Variants in CSTA observed in about 807,000 individuals in gnomAD.
The protein encoded by CSTA is cystatin A, also known as cystatin-A.
In CSTA, 9 loss-of-function variants were observed where a neutral mutation model predicts 9.2. The observed-to-expected ratio is 0.97, with a 90% CI of 0.59 to 1.70. The LOEUF is 1.70. Ranked by LOEUF, CSTA falls within the 40% of genes most tolerant of loss-of-function variation. CSTA has a pLI of 0.00. For synonymous variants in CSTA, 36 were observed against 40.6 expected, an observed-to-expected ratio of 0.89 and a Z score of 0.43; for missense variants, 118 against 113.1, an observed-to-expected ratio of 1.04 and a Z score of -0.20.
Position 122,325,266 on chromosome 3 carries a change from T to G in CSTA, c.-27T>G, listed in dbSNP as rs1251205365. On this transcript the variant is annotated 5_prime_UTR_variant, in exon 1 of 3. Coordinates refer to ENST00000264474, the MANE Select transcript of CSTA (RefSeq NM_005213.4). ...CCTGTTCACTTTGGTTCCAGCATCC[T>G]GTCCAGCAAAGAAGCAATCAGCCAA... 2.5e-6 allele frequency: 4 copies of G among 1,612,458 alleles called. No homozygotes were observed. The highest frequency in any genetic ancestry group is 1.3e-5 in the African/African-American group (1 of 74,870).
chr3:122,334,930 G>C (rs2075227910), intron 1 of CSTA, among the ~76,000 whole-genome samples: 1 of 152,182 alleles, frequency 6.6e-6, no homozygotes, highest in Middle Eastern at 3.2e-3. Flanking sequence ...TAAGGTCTCA[G>C]ACCAAAAGCA....
rs772547755 is a variant in CSTA at position 122,341,885 on chromosome 3, A to G, written c.*318A>G. 8.5e-6 allele frequency: 3 copies of G among 352,898 alleles called. No homozygotes were observed. The highest frequency in any genetic ancestry group is 7.9e-5 in the South Asian group (3 of 37,910). 21.9% of individuals were successfully genotyped at this position (352,898 alleles called of 1,614,324 possible). ...CTGGATCGTGGACTATCAATTCACC[A>G]GCCTCCTTGTTCCCTGTGGCTGCTG... On this transcript the variant is annotated 3_prime_UTR_variant, in exon 3 of 3. Transcript: ENST00000264474.
intron 1 of CSTA, among the ~76,000 whole-genome samples, chr3:122,333,618 AAAAGG>A (rs1190632295): frequency 2.7e-5 from 4 of 148,212 alleles, no homozygotes; most frequent in East Asian, 1.9e-4. Context: ...GGAAGGAAGG[AAAAGG>A]AAAGGAAAGG....
chr3:122,327,558 G>A (rs541191163), intron 1 of CSTA, among the ~76,000 whole-genome samples: 31 of 148,686 alleles, frequency 2.1e-4, no homozygotes, highest in Admixed American at 2.0e-3. Flanking sequence ...AAAAAGTCAG[G>A]GTGCCAAAAT....
At position 122,325,289 on chromosome 3, in the gene CSTA, C is replaced by A. The variant is rs1271346669; in HGVS notation, c.-4C>A. On this transcript the variant is annotated 5_prime_UTR_variant, in exon 1 of 3. Coordinates refer to ENST00000264474, the MANE Select transcript of CSTA (RefSeq NM_005213.4). ...CCTGTCCAGCAAAGAAGCAATCAGC[C>A]AAAATGATACCTGGAGGCTTATCTG... The A allele has an allele frequency of 6.2e-7, 1 of 1,610,948 alleles. No individual in the cohort carries two copies. The highest frequency in any genetic ancestry group is 8.5e-7 in the Non-Finnish European group (1 of 1,179,814).
At chr3:122,329,968 G>A (rs529236999) in intron 1 of CSTA, among the ~76,000 whole-genome samples, 1 of 152,304 alleles carries the variant, frequency 6.6e-6, no homozygotes, top group Non-Finnish European at 1.5e-5. Flanking sequence ...CCAATTCAGT[G>A]TTAGAAGGTA....
At chr3:122,325,508 GT>G (rs946788739) in intron 1 of CSTA, 150 bp downstream of exon 1, 8 of 758,910 alleles carry the variant, frequency 1.1e-5, no homozygotes, top group African/African-American at 1.0e-4. Flanking sequence ...TGAAATAAGA[GT>G]TTTTCAGATG....
chr3:122,332,196 T>C (rs114027054), intron 1 of CSTA, among the ~76,000 whole-genome samples: 202 of 152,264 alleles, frequency 1.3e-3, no homozygotes, highest in African/African-American at 4.3e-3. Context: ...GGTAAGAAAA[T>C]GCCCCAGCTG....
intron 1 of CSTA, 26 bp from the exon 2 acceptor site, chr3:122,337,517 ATTAT>A (rs2075242574): frequency 6.7e-7 from 1 of 1,491,662 alleles, no homozygotes; most frequent in Non-Finnish European, 9.4e-7. Flanking sequence ...TATAGCTTTG[ATTAT>A]TTGTTTCCTC....
chr3:122,331,129 ACACACACACACACACT>A lies in CSTA; in HGVS notation c.66+5773_66+5788del, dbSNP rs1389456235. Among the ~76,000 whole-genome samples the A allele has an allele frequency of 2.2e-4, 33 of 152,026 alleles. No individual in the cohort carries two copies. In the South Asian group the frequency reaches 5.6e-3, roughly 26 times the overall value. On this transcript the variant is annotated intron_variant, in intron 1 of 2. Transcript: ENST00000264474. Reference sequence around the variant, plus strand: ...AACACACACACACACACACACACACACACACACACACACACTCCCCTTAGTCATAAACCTAATTGCT... The same window carrying A: ...AACACACACACACACACACACACACACCCCTTAGTCATAAACCTAATTGCT...
chr3:122,341,584 T>A lies in CSTA; in HGVS notation c.*17T>A. ...GGCTTTTAGCAGCATGTACCCAAAG[T>A]GTTCTGATTCCTTCAACTGGCTACT... On this transcript the variant is annotated 3_prime_UTR_variant, in exon 3 of 3. Coordinates refer to ENST00000264474, the MANE Select transcript of CSTA (RefSeq NM_005213.4). 6.2e-7 allele frequency: 1 copy of A among 1,614,056 alleles called. No homozygotes were observed.
intron 1 of CSTA, among the ~76,000 whole-genome samples, chr3:122,326,909 G>A (rs1043032431): frequency 2.2e-4 from 34 of 152,156 alleles, no homozygotes; most frequent in Non-Finnish European, 2.2e-4. Context: ...AGAGATATAT[G>A]GCATCCTACA....
intron 2 of CSTA, 32 bp downstream of exon 2, chr3:122,337,680 A>G (rs1327545509): frequency 1.2e-5 from 16 of 1,291,618 alleles, no homozygotes; most frequent in Admixed American, 1.7e-5. Flanking sequence ...TAGCGCCAAA[A>G]GATGTATTTC....
chr3:122,340,226 G>T (rs749213427), intron 2 of CSTA, among the ~76,000 whole-genome samples: 4 of 151,936 alleles, frequency 2.6e-5, no homozygotes, highest in Non-Finnish European at 4.4e-5. Flanking sequence ...AATTTTCCAG[G>T]TCTCAGATTC....
At chr3:122,333,734 G>GAAAGAAAGAAAGAA (rs1491184000) in intron 1 of CSTA, among the ~76,000 whole-genome samples, 6 of 144,498 alleles carry the variant, frequency 4.2e-5, no homozygotes, top group African/African-American at 1.6e-4. Flanking sequence ...AAGAAAGAAA[G>GAAAGAAAGAAAGAA]AGAAAGAAAG....
chr3:122,328,075 AG>A (rs1221015150), intron 1 of CSTA, among the ~76,000 whole-genome samples: 1 of 152,192 alleles, frequency 6.6e-6, no homozygotes, highest in Admixed American at 6.5e-5. Flanking sequence ...CACCCCAGAA[AG>A]GGGTTTTGCA....
intron 1 of CSTA, among the ~76,000 whole-genome samples, chr3:122,332,155 G>T (rs2075208874): frequency 6.6e-6 from 1 of 152,184 alleles, no homozygotes; most frequent in African/African-American, 2.4e-5. Flanking sequence ...CAGGGGTTGG[G>T]AACACCTGTC....
intron 2 of CSTA, among the ~76,000 whole-genome samples, chr3:122,338,993 C>T (rs1400063516): frequency 1.3e-5 from 2 of 152,102 alleles, no homozygotes; most frequent in East Asian, 1.9e-4. Flanking sequence ...CCTACTGGAT[C>T]TCAGCCACCG....
intron 1 of CSTA, among the ~76,000 whole-genome samples, chr3:122,330,683 T>C (rs1012854933): frequency 1.3e-5 from 2 of 152,244 alleles, no homozygotes; most frequent in Non-Finnish European, 2.9e-5. Context: ...ATACTCATCT[T>C]TCCTATTTGG....
Sources: allele counts gnomAD v4.1 joint callset (sites outside exome capture counted in the v4.1 genomes callset), GRCh38; gene constraint gnomAD v4.1.1; transcripts MANE v1.5; gene names NCBI Gene and HGNC (gene_info 2026-07-23, HGNC 2026-07-21).